Variants in CNTN1 observed in about 807,000 individuals in gnomAD.
The protein encoded by CNTN1 is contactin 1.
A neutral mutation model predicts 126.4 loss-of-function variants in CNTN1; 38 were observed. The ratio of observed to expected loss-of-function variants is 0.30; its 90% CI spans 0.23 to 0.39. The LOEUF (loss-of-function observed/expected upper bound fraction) is 0.39, where lower values mean the gene tolerates loss of function less well. Ranked by LOEUF, CNTN1 falls within the 10% of genes least tolerant of loss-of-function variation. The pLI, the probability that CNTN1 is intolerant of heterozygous loss-of-function variation, is 1.00. For missense variants in CNTN1, 1,009 were observed against 1,248.4 expected, an observed-to-expected ratio of 0.81 and a Z score of 2.89; for synonymous variants, 413 against 422.6, an observed-to-expected ratio of 0.98 and a Z score of 0.28.
At chr12:41,012,693 C>A (rs545821087) in intron 17 of CNTN1, among the ~76,000 whole-genome samples, 1 of 152,326 alleles carries the variant, frequency 6.6e-6, no homozygotes, top group Non-Finnish European at 1.5e-5. Flanking sequence ...TCCCCCAAGT[C>A]TTATATGGCT....
At chr12:40,722,146 A>G (rs1413985290) in intron 1 of CNTN1, among the ~76,000 whole-genome samples, 1 of 152,188 alleles carries the variant, frequency 6.6e-6, no homozygotes, top group Non-Finnish European at 1.5e-5. Context: ...GTACAGGTCC[A>G]CATTTCCTTC....
At chr12:40,848,845 A>G (rs1942613459) in intron 1 of CNTN1, among the ~76,000 whole-genome samples, 1 of 135,784 alleles carries the variant, frequency 7.4e-6, no homozygotes, top group Non-Finnish European at 1.6e-5. Flanking sequence ...TTTTTTTTCC[A>G]GTAACAGTAG....
chr12:41,053,313 A>G (rs1254767739), intron 23 of CNTN1, among the ~76,000 whole-genome samples: 1 of 149,926 alleles, frequency 6.7e-6, no homozygotes. Context: ...CTAAACTTCT[A>G]AACATATAAA....
At chr12:41,006,759 G>C (rs1050493114) in intron 17 of CNTN1, among the ~76,000 whole-genome samples, 1 of 152,230 alleles carries the variant, frequency 6.6e-6, no homozygotes, top group Admixed American at 6.5e-5. Flanking sequence ...AATGTTAACA[G>C]ATTTGAGGAT....
chr12:40,808,240 C>T (rs7487913), intron 1 of CNTN1, among the ~76,000 whole-genome samples: 4 of 151,912 alleles, frequency 2.6e-5, no homozygotes, highest in East Asian at 1.9e-4. Flanking sequence ...GGGTTAGTTA[C>T]GGTTAATTAT....
chr12:40,901,082 G>T (rs570913554), intron 1 of CNTN1, among the ~76,000 whole-genome samples: 17 of 152,250 alleles, frequency 1.1e-4, no homozygotes, highest in Non-Finnish European at 5.9e-5. Context: ...CCACTAACTT[G>T]TACATTTTCG....
intron 1 of CNTN1, among the ~76,000 whole-genome samples, chr12:40,835,649 A>G (rs1942019430): frequency 6.6e-6 from 1 of 152,178 alleles, no homozygotes; most frequent in South Asian, 2.1e-4. Context: ...TCCCACACAC[A>G]GAATCAGGGA....
intron 16 of CNTN1, among the ~76,000 whole-genome samples, chr12:40,991,101 G>A (rs1035577782): frequency 6.6e-6 from 1 of 152,104 alleles, no homozygotes; most frequent in Non-Finnish European, 1.5e-5. Context: ...CTCTCTCATA[G>A]TTTGGAGACC....
At chr12:41,040,185 C>T (rs1949365994) in intron 23 of CNTN1, among the ~76,000 whole-genome samples, 1 of 152,054 alleles carries the variant, frequency 6.6e-6, no homozygotes, top group South Asian at 2.1e-4. Flanking sequence ...CTCAGAAAAA[C>T]CTTCCCCATA....
intron 15 of CNTN1, among the ~76,000 whole-genome samples, chr12:40,963,471 G>A (rs550146942): frequency 2.6e-5 from 4 of 151,850 alleles, no homozygotes; most frequent in African/African-American, 9.7e-5. Flanking sequence ...TATACCTGAA[G>A]GAATTTAGAA....
chr12:40,828,087 C>A (rs1427800345), intron 1 of CNTN1: 1 of 152,172 alleles, frequency 6.6e-6, no homozygotes, highest in East Asian at 1.9e-4. Context: ...GCTATGTAGA[C>A]AGCCGGCTTT....
At chr12:40,696,450 T>C (rs1207448246) in intron 1 of CNTN1, among the ~76,000 whole-genome samples, 1 of 152,252 alleles carries the variant, frequency 6.6e-6, no homozygotes, top group Non-Finnish European at 1.5e-5. Context: ...AGGCAAGTTA[T>C]CAAAACTTCC....
intron 1 of CNTN1, among the ~76,000 whole-genome samples, chr12:40,699,706 C>T (rs182018288): frequency 6.6e-6 from 1 of 151,880 alleles, no homozygotes. Flanking sequence ...TTTGATCCTT[C>T]GTAACAGTTT....
chr12:40,758,859 A>C (rs951297728), intron 1 of CNTN1, among the ~76,000 whole-genome samples: 9 of 150,416 alleles, frequency 6.0e-5, no homozygotes, highest in African/African-American at 2.2e-4. Flanking sequence ...AGTACATTCC[A>C]GACAATAGAG....
chr12:41,051,826 G>A (rs775695658), intron 23 of CNTN1, among the ~76,000 whole-genome samples: 2 of 151,472 alleles, frequency 1.3e-5, no homozygotes, highest in Non-Finnish European at 2.9e-5. Flanking sequence ...GTAAGAGGAA[G>A]AATGCAAGGA....
At chr12:40,741,056 C>T (rs1937925035) in intron 1 of CNTN1, among the ~76,000 whole-genome samples, 1 of 152,028 alleles carries the variant, frequency 6.6e-6, no homozygotes, top group Non-Finnish European at 1.5e-5. Context: ...TACCTTTTTG[C>T]ACTCATTTCC....
At chr12:40,698,808 T>C (rs1285511257) in intron 1 of CNTN1, among the ~76,000 whole-genome samples, 1 of 152,198 alleles carries the variant, frequency 6.6e-6, no homozygotes, top group East Asian at 1.9e-4. Context: ...TGGTACGTGG[T>C]AACTTCTCTA....
At chr12:40,787,973 C>G (rs1349686033) in intron 1 of CNTN1, among the ~76,000 whole-genome samples, 8 of 152,102 alleles carry the variant, frequency 5.3e-5, no homozygotes, top group Non-Finnish European at 1.2e-4. Context: ...AAACTACTAG[C>G]TGTGGTTGCT....
intron 23 of CNTN1, among the ~76,000 whole-genome samples, chr12:41,030,283 A>G (rs1949121902): frequency 6.6e-6 from 1 of 152,114 alleles, no homozygotes; most frequent in Admixed American, 6.6e-5. Context: ...CCACAATGCC[A>G]GAGTATTTAA....
Sources: allele counts gnomAD v4.1 joint callset (sites outside exome capture counted in the v4.1 genomes callset), GRCh38; gene constraint gnomAD v4.1.1; transcripts MANE v1.5; gene names NCBI Gene and HGNC (gene_info 2026-07-23, HGNC 2026-07-21).